TBC1D4: variants seen among roughly 807,000 people sequenced by gnomAD.
TBC1D4 encodes TBC1 domain family member 4.
TBC1D4 carries 121 observed loss-of-function variants against 142.5 expected under a neutral mutation model. That is an observed-to-expected ratio of 0.85 (90% CI 0.73 to 0.99). The LOEUF (loss-of-function observed/expected upper bound fraction) is 0.99. Among genes scored for constraint, TBC1D4 ranks in the 50% least tolerant of loss-of-function variants. The pLI is 0.00. For synonymous variants in TBC1D4, 630 were observed against 628.2 expected (o/e 1.00, Z -0.04); for missense variants, 1,475 against 1,606.6 (o/e 0.92, Z 1.40).
chr13:75,323,404 G>A (rs1403195640), intron 11 of TBC1D4, among the ~76,000 whole-genome samples: 2 of 151,958 alleles, frequency 1.3e-5, no homozygotes, highest in East Asian at 3.9e-4. Flanking sequence ...AATTTAGAAA[G>A]GTTCCCAAGT....
intron 1 of TBC1D4, among the ~76,000 whole-genome samples, chr13:75,393,925 C>A (rs1202933410): frequency 2.3e-4 from 23 of 99,616 alleles, no homozygotes; most frequent in Admixed American, 3.9e-4. Flanking sequence ...AAAACTCTGT[C>A]TCAAAAAAAA....
chr13:75,371,576 C>G (rs901553071), intron 1 of TBC1D4, among the ~76,000 whole-genome samples: 3 of 152,120 alleles, frequency 2.0e-5, no homozygotes, highest in African/African-American at 7.2e-5. Context: ...TATTAAGCAT[C>G]AACATAAAAT....
chr13:75,325,414 GT>G (rs540771610), intron 10 of TBC1D4, among the ~76,000 whole-genome samples: 7,893 of 145,338 alleles, frequency 0.054, 705 homozygotes, highest in African/African-American at 0.18. Context: ...ATCGAGTTGT[GT>G]TTTTTTTTTT....
chr13:75,333,538 T>TCC (rs549900281), intron 8 of TBC1D4, among the ~76,000 whole-genome samples: 2 of 152,344 alleles, frequency 1.3e-5, no homozygotes, highest in Non-Finnish European at 2.9e-5. Context: ...AAAAATTTTT[T>TCC]TTCCCCACAA....
chr13:75,313,425 G>A (rs919196821), intron 12 of TBC1D4, among the ~76,000 whole-genome samples: 2 of 152,142 alleles, frequency 1.3e-5, no homozygotes, highest in African/African-American at 4.8e-5. Flanking sequence ...AAGCAGAACA[G>A]TCAACCTTGG....
At chr13:75,291,924 T>C (rs542495589) in intron 19 of TBC1D4, among the ~76,000 whole-genome samples, 178 bp downstream of exon 19, 15 of 152,210 alleles carry the variant, frequency 9.9e-5, no homozygotes, top group Non-Finnish European at 1.9e-4. Context: ...ACAGCATTTT[T>C]TGTGCATAGC....
At chr13:75,366,651 C>G (rs1882927082) in intron 1 of TBC1D4, among the ~76,000 whole-genome samples, 1 of 148,904 alleles carries the variant, frequency 6.7e-6, no homozygotes, top group Non-Finnish European at 1.5e-5. Context: ...AGTACCAAGA[C>G]TCAGACATTA....
At chr13:75,385,991 G>A (rs1485770231) in intron 1 of TBC1D4, among the ~76,000 whole-genome samples, 4 of 152,116 alleles carry the variant, frequency 2.6e-5, no homozygotes, top group Non-Finnish European at 5.9e-5. Flanking sequence ...TAAAGCCCTC[G>A]TGTCCTGCTA....
Position 75,362,440 on chromosome 13 carries a change from G to C in TBC1D4, c.666C>G (p.Ile222Met). 6.2e-7 allele frequency: 1 copy of C among 1,614,220 alleles called. No individual in the cohort carries two copies. The highest frequency in any genetic ancestry group is 8.5e-7 in the Non-Finnish European group (1 of 1,180,044). ...VTHKKAPSSL[I>M]DDCMEKFSLH... is the part of the protein sequence containing the mutation. ...GGCTGAACTTCTCCATGCAGTCATC[G>C]ATGAGGCTTGAGGGGGCCTTCTTGT... Residue 222 changes from isoleucine to methionine, a missense_variant, in exon 2 of 21, where the codon ATC (isoleucine) becomes ATG (methionine). Ile to Met is a conservative substitution (Grantham distance 10). Transcript: ENST00000377636. This position sits in a 1 kb window ranked among gnomAD's most constrained non-coding sequence, Gnocchi z 4.2.
At chr13:75,397,212 C>T (rs1049373985) in intron 1 of TBC1D4, among the ~76,000 whole-genome samples, 1 of 152,180 alleles carries the variant, frequency 6.6e-6, no homozygotes, top group Non-Finnish European at 1.5e-5. Flanking sequence ...AAAGTGTAGT[C>T]ATGGCACAGT....
At position 75,424,484 on chromosome 13, in the gene TBC1D4, T is replaced by C. The variant is rs577593314; in HGVS notation, c.498+56786A>G. Reference sequence around the variant, plus strand: ...AATGCAATTCCCATCAAAATTCCAATGACATTTTTCACAGAAGTAAAAAAA... The same window carrying C: ...AATGCAATTCCCATCAAAATTCCAACGACATTTTTCACAGAAGTAAAAAAA... On this transcript the variant is annotated intron_variant, in intron 1 of 20. Transcript: ENST00000377636. 4.7e-4 allele frequency among the ~76,000 whole-genome samples: 71 copies of C among 152,038 alleles called. 1 individual carries two copies. Among genetic ancestry groups the C allele is most frequent in the Non-Finnish European group, 5.7e-4 (39 of 67,982 alleles).
chr13:75,428,156 G>A (rs1052523553), intron 1 of TBC1D4, among the ~76,000 whole-genome samples: 1 of 150,930 alleles, frequency 6.6e-6, no homozygotes, highest in Non-Finnish European at 1.5e-5. Flanking sequence ...GTACTGTTGG[G>A]TTTGTTTATT....
chr13:75,407,890 T>C (rs187130051), intron 1 of TBC1D4, among the ~76,000 whole-genome samples: 18 of 150,472 alleles, frequency 1.2e-4, no homozygotes, highest in Admixed American at 1.1e-3. Flanking sequence ...AGAAAAGAGA[T>C]GGTACACATA....
chr13:75,340,859 T>A (rs2138074042), intron 7 of TBC1D4, among the ~76,000 whole-genome samples: 1 of 152,244 alleles, frequency 6.6e-6, no homozygotes, highest in South Asian at 2.1e-4. Context: ...GGCAGAAGAA[T>A]CGCTTGAACC....
Position 75,427,277 on chromosome 13 carries a change from C to T in TBC1D4, c.498+53993G>A, listed in dbSNP as rs368899577. On this transcript the variant is annotated intron_variant, in intron 1 of 20. Coordinates refer to ENST00000377636, the MANE Select transcript of TBC1D4 (RefSeq NM_014832.5). ...TAATTTTTTGTATTTTTAGTAGAGACGGGGTTTCACCGTGGTCTCGATCTC... is the reference window on the plus strand; with the variant it reads ...TAATTTTTTGTATTTTTAGTAGAGATGGGGTTTCACCGTGGTCTCGATCTC... 2.3e-3 allele frequency among the ~76,000 whole-genome samples: 357 copies of T among 152,192 alleles called. 1 individual carries two copies. Among genetic ancestry groups the T allele is most frequent in the African/African-American group, 8.1e-3 (336 of 41,548 alleles).
intron 1 of TBC1D4, among the ~76,000 whole-genome samples, chr13:75,379,098 C>T (rs991148550): frequency 9.9e-5 from 15 of 152,068 alleles, no homozygotes; most frequent in African/African-American, 3.6e-4. Flanking sequence ...CACATAACAT[C>T]ATGACTGAAT....
rs183791491 is a variant in TBC1D4, at chr13:75,424,007, G to A, written c.498+57263C>T. Among the ~76,000 whole-genome samples, 97 of 152,224 alleles carry A rather than the reference G, an allele frequency of 6.4e-4. No homozygotes were observed. In the East Asian group the frequency reaches 9.8e-3, roughly 15 times the overall value. Reference sequence around the variant, plus strand: ...TGACAGTTTGAAAAAATTATGAGTCGCACGCTCATGCCTATCATCCCAGCA... The same window carrying A: ...TGACAGTTTGAAAAAATTATGAGTCACACGCTCATGCCTATCATCCCAGCA... On this transcript the variant is annotated intron_variant, in intron 1 of 20. Coordinates refer to ENST00000377636, the MANE Select transcript of TBC1D4 (RefSeq NM_014832.5).
At position 75,362,002 on chromosome 13, in the gene TBC1D4, C is replaced by A. The variant is rs538101833; in HGVS notation, c.1080+24G>T. ...CATCTGGCACCTTTTGGGGCAAGGG[C>A]AGACAGCGTCCGATCAGGTGTACCT... On this transcript the variant is annotated intron_variant, in intron 2 of 20. Transcript: ENST00000377636. The surrounding 1 kb of genome is among the most constrained non-coding windows in gnomAD (Gnocchi z 4.2). The A allele has an allele frequency of 3.1e-6, 5 of 1,613,902 alleles. No individual in the cohort carries two copies. In the Admixed American group the frequency reaches 8.3e-5, roughly 27 times the overall value.
chr13:75,362,241 G>A lies in TBC1D4; in HGVS notation c.865C>T (p.Leu289=). The A allele has an allele frequency of 5.0e-6, 8 of 1,613,876 alleles. No individual in the cohort carries two copies. Among genetic ancestry groups the A allele is most frequent in the Non-Finnish European group, 6.8e-6 (8 of 1,179,972 alleles). Residue 289 remains leucine (L), a synonymous_variant, in exon 2 of 21, where the codon CTG becomes TTG. Coordinates refer to ENST00000377636, the MANE Select transcript of TBC1D4 (RefSeq NM_014832.5). The surrounding 1 kb of genome is among the most constrained non-coding windows in gnomAD (Gnocchi z 4.2). ...GGGAAGCAGACCCGAGAGCTGGTCA[G>A]GGCAGGCTGGCTGGCCCCGGCAGGT... ...GLPAGASQPA[L]TSSRVCFPER...
Sources: gnomAD v4.1 joint callset for allele counts (sites outside exome capture counted in the v4.1 genomes callset) on GRCh38, gnomAD v4.1.1 for gene constraint, Gnocchi (gnomAD v3.1) non-coding constraint, MANE v1.5 for transcripts, NCBI Gene and HGNC (gene_info 2026-07-23, HGNC 2026-07-21) for gene names.